The following ROBO2 variants were observed in gnomAD, a reference collection of about 807,000 sequenced individuals.
The protein encoded by ROBO2 is roundabout homolog 2.
A neutral mutation model predicts 160.8 loss-of-function variants in ROBO2; 53 were observed. That is an observed-to-expected ratio of 0.33 (90% confidence interval 0.26 to 0.41). The LOEUF (loss-of-function observed/expected upper bound fraction) is 0.41, where lower values mean the gene tolerates loss of function less well. Ranked by LOEUF, ROBO2 falls within the 10% of genes least tolerant of loss-of-function variation. The pLI, the probability that ROBO2 is intolerant of heterozygous loss-of-function variation, is 1.00. For synonymous variants in ROBO2, 664 were observed against 611.7 expected (o/e 1.09, Z -1.26); for missense variants, 1,577 against 1,722.4 (o/e 0.92, Z 1.49).
intron 2 of ROBO2, among the ~76,000 whole-genome samples, chr3:76,359,882 T>C (rs1225908956): frequency 6.6e-6 from 1 of 152,000 alleles, no homozygotes; most frequent in Non-Finnish European, 1.5e-5. Context: ...CAGTCTAAAG[T>C]TATAACATTA....
intron 2 of ROBO2, among the ~76,000 whole-genome samples, chr3:77,270,833 C>T (rs1320543408): frequency 6.6e-6 from 1 of 151,870 alleles, no homozygotes; most frequent in Non-Finnish European, 1.5e-5. Context: ...GTCCCAGCTA[C>T]TCGGGAGGCT....
chr3:77,016,067 C>T (rs2062224606), intron 2 of ROBO2, among the ~76,000 whole-genome samples: 2 of 152,036 alleles, frequency 1.3e-5, no homozygotes, highest in African/African-American at 4.8e-5. Context: ...AGCTCCGCCT[C>T]CCGGGTTCAC....
chr3:76,159,182 G>A (rs1000034632), intron 2 of ROBO2, among the ~76,000 whole-genome samples: 12 of 152,122 alleles, frequency 7.9e-5, no homozygotes, highest in African/African-American at 2.9e-4. Flanking sequence ...ATTTTGTGTT[G>A]TGAAAGAGAC....
rs144120548 is a variant in ROBO2, at chr3:77,156,125, A to C, written c.388+57785A>C. Among the ~76,000 whole-genome samples the C allele has an allele frequency of 8.2e-4, 124 of 152,026 alleles. 2 individuals are homozygous for C. In the Middle Eastern group the frequency reaches 0.014, roughly 17 times the overall value. On this transcript the variant is annotated intron_variant, in intron 2 of 25. Coordinates refer to ENST00000461745, the Ensembl canonical transcript of ROBO2. ...TTTGTCTTAAAATTTCTTCATCTCA[A>C]CATCATCCAAACCGAACTTATAACT...
At chr3:76,801,049 C>A (rs2064159086) in intron 2 of ROBO2, among the ~76,000 whole-genome samples, 1 of 152,124 alleles carries the variant, frequency 6.6e-6, no homozygotes, top group African/African-American at 2.4e-5. Flanking sequence ...TACATATACA[C>A]AATGGAGTGC....
intron 2 of ROBO2, among the ~76,000 whole-genome samples, chr3:77,337,629 G>A (rs374172753): frequency 5.3e-4 from 80 of 151,970 alleles, no homozygotes; most frequent in African/African-American, 1.5e-3. Context: ...TAGTTAACTC[G>A]CAAATTGCAT....
In ROBO2 at chr3:77,383,638, C is replaced by T. The variant is rs2073788891; in HGVS notation, c.389-93776C>T. On this transcript the variant is annotated intron_variant, in intron 2 of 25. Transcript: ENST00000461745. The stretch of plus-strand genomic sequence containing the variant: ...TAACTATTTTTTGGTTTGTTTAAGT[C>T]CCTAAAGGTAGATATATTGATTTTA... Among the ~76,000 whole-genome samples the T allele has an allele frequency of 2.6e-5, 4 of 151,990 alleles. No homozygotes were observed. In the South Asian group the frequency reaches 8.3e-4, roughly 32 times the overall value.
intron 2 of ROBO2, among the ~76,000 whole-genome samples, chr3:76,302,510 A>G (rs1012514082): frequency 6.6e-6 from 1 of 152,102 alleles, no homozygotes; most frequent in Non-Finnish European, 1.5e-5. Flanking sequence ...TCAACTATAT[A>G]TTAATACAGT....
At chr3:76,956,728 T>C (rs1224542269) in intron 2 of ROBO2, among the ~76,000 whole-genome samples, 7 of 151,936 alleles carry the variant, frequency 4.6e-5, no homozygotes, top group Admixed American at 4.6e-4. Context: ...GGCCACTGTT[T>C]CCCAAACTTG....
At chr3:76,153,440 TTTG>T (rs1425980379) in intron 2 of ROBO2, among the ~76,000 whole-genome samples, 1 of 152,158 alleles carries the variant, frequency 6.6e-6, no homozygotes. Flanking sequence ...CATTGAGTTT[TTTG>T]TTGTTGTTGT....
chr3:77,490,385 C>T lies in ROBO2; in HGVS notation c.668-2859C>T, dbSNP rs142448783. On this transcript the variant is annotated intron_variant, in intron 4 of 25. Coordinates refer to ENST00000461745, the Ensembl canonical transcript of ROBO2. ...GATTACAGGCGTGAGCCACCACGCC[C>T]GGCCTGTATTTTACTTTTAAGAGAA... Among the ~76,000 whole-genome samples the T allele has an allele frequency of 2.1e-3, 320 of 152,140 alleles. 1 individual carries two copies. Among genetic ancestry groups the T allele is most frequent in the South Asian group, 0.02 (95 of 4,818 alleles).
intron 2 of ROBO2, among the ~76,000 whole-genome samples, chr3:76,522,998 T>C (rs964174507): frequency 3.4e-5 from 5 of 148,166 alleles, no homozygotes; most frequent in Non-Finnish European, 7.4e-5. Context: ...TATATAACTT[T>C]ATACATATAA....
At chr3:76,997,724 A>G (rs1475363836) in intron 2 of ROBO2, among the ~76,000 whole-genome samples, 2 of 152,214 alleles carry the variant, frequency 1.3e-5, no homozygotes, top group African/African-American at 4.8e-5. Flanking sequence ...CACTGGGCAT[A>G]TCACTTAGTT....
At chr3:76,715,375 G>C (rs1193215391) in intron 2 of ROBO2, among the ~76,000 whole-genome samples, 1 of 152,124 alleles carries the variant, frequency 6.6e-6, no homozygotes, top group African/African-American at 2.4e-5. Flanking sequence ...ATTCAACAAA[G>C]ATGGACTCAG....
chr3:77,623,705 G>A (rs75218385), intron 23 of ROBO2, among the ~76,000 whole-genome samples: 3 of 152,150 alleles, frequency 2.0e-5, no homozygotes, highest in Non-Finnish European at 4.4e-5. Flanking sequence ...TGACTTATTA[G>A]TGCACTATTA....
intron 2 of ROBO2, among the ~76,000 whole-genome samples, chr3:76,712,979 G>T (rs1156733634): frequency 6.6e-6 from 1 of 152,234 alleles, no homozygotes; most frequent in Non-Finnish European, 1.5e-5. Context: ...AAGGAGTAAG[G>T]ACATATCCAA....
At chr3:76,115,433 A>G (rs763579432) in intron 2 of ROBO2, among the ~76,000 whole-genome samples, 1 of 152,112 alleles carries the variant, frequency 6.6e-6, no homozygotes, top group African/African-American at 2.4e-5. Context: ...AGAATCTGTA[A>G]GTAAAGATTT....
At chr3:77,628,458 T>C (rs927017135) in intron 23 of ROBO2, among the ~76,000 whole-genome samples, 8 of 135,052 alleles carry the variant, frequency 5.9e-5, no homozygotes, top group Admixed American at 4.6e-4. Context: ...GGGGGGGGGG[T>C]AATTGTTTAC....
At chr3:76,045,466 AT>A (rs2067418716) in intron 2 of ROBO2, among the ~76,000 whole-genome samples, 1 of 152,044 alleles carries the variant, frequency 6.6e-6, no homozygotes, top group Non-Finnish European at 1.5e-5. Context: ...ACTCTGGGAG[AT>A]TTGGAGACAC....
Sources: gnomAD v4.1 joint callset for allele counts (sites outside exome capture counted in the v4.1 genomes callset) on GRCh38, gnomAD v4.1.1 for gene constraint, MANE v1.5 for transcripts, NCBI Gene and HGNC (gene_info 2026-07-23, HGNC 2026-07-21) for gene names.